The following PIGQ variants were observed in gnomAD, a reference collection of about 807,000 sequenced individuals.
PIGQ encodes the protein phosphatidylinositol N-acetylglucosaminyltransferase subunit Q.
A neutral mutation model predicts 60.3 loss-of-function variants in PIGQ; 54 were observed. The observed-to-expected ratio is 0.90, with a 90% CI of 0.72 to 1.12. PIGQ has a LOEUF of 1.12. Among genes scored for constraint, PIGQ ranks in the 50% most tolerant of loss-of-function variants. The pLI is 0.00. For synonymous variants in PIGQ, 416 were observed against 363.7 expected, an observed-to-expected ratio of 1.14 and a Z score of -1.64; for missense variants, 799 against 793.5, an observed-to-expected ratio of 1.01 and a Z score of -0.08.
intron 1 of PIGQ, among the ~76,000 whole-genome samples, chr16:572,287 C>T (rs575445179): frequency 5.9e-5 from 9 of 151,502 alleles, no homozygotes; most frequent in African/African-American, 1.7e-4. Context: ...ATCCACCCGC[C>T]GCCTGCCCTC....
intron 4 of PIGQ, among the ~76,000 whole-genome samples, chr16:577,666 G>A (rs889416161): frequency 3.9e-5 from 6 of 152,146 alleles, no homozygotes; most frequent in South Asian, 2.1e-4. Flanking sequence ...AGGGGCCTGC[G>A]CAATGGGCAA....
Position 574,752 on chromosome 16 carries a change from C to A in PIGQ, c.678C>A (p.Val226=). The A allele has an allele frequency of 6.4e-7, 1 of 1,569,882 alleles. No homozygotes were observed. Among genetic ancestry groups the A allele is most frequent in the South Asian group, 1.1e-5 (1 of 87,442 alleles). The change falls in exon 2 of 11, where the codon GTC becomes GTA. Residue 226 remains valine, a synonymous_variant. Coordinates refer to ENST00000321878, the MANE Select transcript of PIGQ (RefSeq NM_004204.5). Reference sequence around the variant, plus strand: ...GCCTGCTGTCGCTGGTCTCAGCTGTCAGTGCCTGCCGGTAGGTGTCCCGGG... The same window carrying A: ...GCCTGCTGTCGCTGGTCTCAGCTGTAAGTGCCTGCCGGTAGGTGTCCCGGG... ...LASLLSLVSA[V]SACRVFKLWP...
chr16:576,777 G>GGT (rs1185819687), intron 4 of PIGQ: 3 of 382,120 alleles, frequency 7.9e-6, no homozygotes, highest in African/African-American at 6.2e-5. Flanking sequence ...TTTCCAGCCG[G>GGT]GTGCAGCCCC....
At chr16:574,856 C>G in intron 2 of PIGQ, 93 bp downstream of exon 2, 1 of 1,031,732 alleles carries the variant, frequency 9.7e-7, no homozygotes. Context: ...GGCCCAGATG[C>G]GCTCTTCCTG....
chr16:583,278 C>G lies in PIGQ; in HGVS notation c.*243C>G, dbSNP rs753246882. On this transcript the variant is annotated 3_prime_UTR_variant, in exon 11 of 11. Transcript: ENST00000321878. ...GCACTGCCTGCCTTGGGACCCGCTT[C>G]CCACCTGCTGCGGTCACCATGGTGG... 1 of 1,612,914 alleles carries G rather than the reference C, an allele frequency of 6.2e-7. No homozygotes were observed. The highest frequency in any genetic ancestry group is 1.1e-5 in the South Asian group (1 of 91,086).
Position 582,190 on chromosome 16 carries a change from C to T in PIGQ, c.1532-58C>T, listed in dbSNP as rs759702745. The stretch of plus-strand genomic sequence containing the variant: ...GAGAGGAAGGTACCTGCAGCCTCTG[C>T]TCATGTGTGGGGCCAGCCCCCACGC... On this transcript the variant is annotated intron_variant, in intron 9 of 10. Transcript: ENST00000321878. 2.1e-5 allele frequency: 26 copies of T among 1,260,140 alleles called. No homozygotes were observed. The South Asian group carries it at 3.2e-4, about 16-fold the overall frequency. 78.1% of individuals were successfully genotyped at this position (1,260,140 alleles called of 1,614,324 possible). A position where few individuals can be genotyped will look rare whatever the true frequency, so the allele number is the denominator to read the frequency against.
rs1596388974 is a variant in PIGQ at position 583,443 on chromosome 16, G to T, written c.*408G>T. The T allele has an allele frequency of 6.2e-7, 1 of 1,612,756 alleles. No individual in the cohort carries two copies. Among genetic ancestry groups the T allele is most frequent in the Non-Finnish European group, 8.5e-7 (1 of 1,179,944 alleles). Reference sequence around the variant, plus strand: ...GCTCCCCAGTGGCTCTGCCCTGGCTGTGGGGGTGGAGGGACCTTGCCAGGA... The same window carrying T: ...GCTCCCCAGTGGCTCTGCCCTGGCTTTGGGGGTGGAGGGACCTTGCCAGGA... On this transcript the variant is annotated 3_prime_UTR_variant, in exon 11 of 11. Transcript: ENST00000321878.
Position 583,105 on chromosome 16 carries a change from A to C in PIGQ, c.*70A>C, listed in dbSNP as rs2151050349. On this transcript the variant is annotated 3_prime_UTR_variant, in exon 11 of 11. Transcript: ENST00000321878. ...CCATCTGCTCTGCCAGGGTGGCACC[A>C]GCTCAGCTGGCGCATGTCCTGTGCT... is the stretch of plus-strand genomic sequence containing the variant. 6.2e-7 allele frequency: 1 copy of C among 1,613,092 alleles called. No individual in the cohort carries two copies. The highest frequency in any genetic ancestry group is 8.5e-7 in the Non-Finnish European group (1 of 1,179,952).
In PIGQ at chr16:582,246, A is replaced by AGTT; in HGVS notation, c.1532-1_1532insTTG. 1 of 1,601,012 alleles carries AGTT rather than the reference A, an allele frequency of 6.2e-7. No individual in the cohort carries two copies. Among genetic ancestry groups the AGTT allele is most frequent in the Non-Finnish European group, 8.5e-7 (1 of 1,172,604 alleles). On this transcript the variant is annotated splice_acceptor_variant, in intron 9 of 10. Coordinates refer to ENST00000321878, the MANE Select transcript of PIGQ (RefSeq NM_004204.5). LOFTEE classifies it high-confidence loss of function. ...CTCGTCAGCCGCTTGCTATCCTTGC[A>AGTT]GCTGGCGTGAAGTTCCGTGTCCTCC... is the stretch of plus-strand genomic sequence containing the variant.
chr16:580,236 A>G lies in PIGQ; in HGVS notation c.1389A>G (p.Thr463=). The change falls in exon 8 of 11, where the codon ACA becomes ACG. Residue 463 remains threonine (T), a synonymous_variant. Transcript: ENST00000321878. ...TCCTGCTCTTCCTCCTGCCTACCAC[A>G]GCCCTGTACTACCTGGTGTTCACCC... ...FTILLFLLPT[T]ALYYLVFTLL... 6.2e-7 allele frequency: 1 copy of G among 1,612,510 alleles called. No individual in the cohort carries two copies. The highest frequency in any genetic ancestry group is 8.5e-7 in the Non-Finnish European group (1 of 1,179,166).
At position 583,916 on chromosome 16, in the gene PIGQ, G is replaced by C; in HGVS notation, c.*881G>C. On this transcript the variant is annotated 3_prime_UTR_variant, in exon 11 of 11. Coordinates refer to ENST00000321878, the MANE Select transcript of PIGQ (RefSeq NM_004204.5). ...CTGCCAGACGGCACGGTCTGGGTGC[G>C]GGTGTTCCCTGTGAGCCCGAGTCCG... The C allele has an allele frequency of 2.0e-6, 1 of 504,382 alleles. No homozygotes were observed. Among genetic ancestry groups the C allele is most frequent in the East Asian group, 3.6e-5 (1 of 27,642 alleles). 31.2% of individuals were successfully genotyped at this position (504,382 alleles called of 1,614,324 possible). A position where few individuals can be genotyped will look rare whatever the true frequency, so the allele number is the denominator to read the frequency against.
chr16:573,880 G>C (rs1332388439), intron 1 of PIGQ, among the ~76,000 whole-genome samples, 186 bp from the exon 2 acceptor site: 21 of 152,186 alleles, frequency 1.4e-4, no homozygotes, highest in Non-Finnish European at 5.9e-5. Context: ...CTGCCCCTTG[G>C]AGAAGCATGG....
chr16:580,262 T>C lies in PIGQ; in HGVS notation c.1415T>C (p.Leu472Pro). 1 of 1,604,148 alleles carries C rather than the reference T, an allele frequency of 6.2e-7. No homozygotes were observed. Among genetic ancestry groups the C allele is most frequent in the Non-Finnish European group, 8.5e-7 (1 of 1,172,634 alleles). The change falls in exon 8 of 11, where the codon CTG (leucine) becomes CCG (proline). Residue 472 changes from leucine (L) to proline (P), a missense_variant and splice_region_variant. Leu to Pro is a moderately conservative substitution (Grantham distance 98). Coordinates refer to ENST00000321878, the MANE Select transcript of PIGQ (RefSeq NM_004204.5). ...TTALYYLVFT[L>P]LRLLVVAVQG... Reference sequence around the variant, plus strand: ...GCCCTGTACTACCTGGTGTTCACCCTGGTGAGCTGAGCACCCACAGGCTGG... The same window carrying C: ...GCCCTGTACTACCTGGTGTTCACCCCGGTGAGCTGAGCACCCACAGGCTGG...
intron 4 of PIGQ, chr16:576,515 G>T (rs983922829): frequency 1.1e-5 from 6 of 567,114 alleles, no homozygotes; most frequent in Non-Finnish European, 1.9e-5. Flanking sequence ...GCTCTGGGGA[G>T]CCCGCCTCTC....
Position 576,540 on chromosome 16 carries a change from G to C in PIGQ, c.942+286G>C, listed in dbSNP as rs986909572. The C allele has an allele frequency of 5.3e-6, 3 of 562,166 alleles. No individual in the cohort carries two copies. The African/African-American group carries it at 5.6e-5, about 11-fold the overall frequency. 34.8% of individuals were successfully genotyped at this position (562,166 alleles called of 1,614,324 possible). A position where few individuals can be genotyped will look rare whatever the true frequency, so the allele number is the denominator to read the frequency against. On this transcript the variant is annotated intron_variant, in intron 4 of 10. Transcript: ENST00000321878. Reference sequence around the variant, plus strand: ...GCCCGCCTCTCCCTGTGGGCCCAGCGTCCTGGTATCTCCCTTGTGGTCCCT... The same window carrying C: ...GCCCGCCTCTCCCTGTGGGCCCAGCCTCCTGGTATCTCCCTTGTGGTCCCT...
chr16:581,767 T>C (rs550090755), intron 9 of PIGQ: 2 of 136,778 alleles, frequency 1.5e-5, no homozygotes, highest in African/African-American at 5.7e-5. Flanking sequence ...CGGCTTTTTT[T>C]TTTTTTTTTT....
rs529904922 is a variant in PIGQ at position 574,382 on chromosome 16, C to T, written c.308C>T (p.Thr103Met). 27 of 1,610,460 alleles carry T rather than the reference C, an allele frequency of 1.7e-5. No homozygotes were observed. Among genetic ancestry groups the T allele is most frequent in the Middle Eastern group, 1.7e-4 (1 of 6,048 alleles). ...WLRLCRERGGTFWSCEATHRQ... is the reference protein window; with the variant it reads ...WLRLCRERGGMFWSCEATHRQ... ...CGGCTGTGCCGGGAGAGAGGCGGCA[C>T]GTTCTGGAGCTGCGAGGCCACCCAC... The change falls in exon 2 of 11, where the codon ACG becomes ATG. Residue 103 changes from threonine to methionine, a missense_variant. Thr to Met is a moderately conservative substitution (Grantham distance 81). Coordinates refer to ENST00000321878, the MANE Select transcript of PIGQ (RefSeq NM_004204.5).
chr16:574,446 C>T lies in PIGQ; in HGVS notation c.372C>T (p.Asp124=), dbSNP rs774126683. ...CTGCCCCCGGTGCCCCTGGTGAGGA[C>T]CAGGTCATGCTCATCTTCTATGACC... ...APTAPGAPGE[D]QVMLIFYDQR... The change falls in exon 2 of 11, where the codon GAC becomes GAT. Residue 124 remains aspartate, a synonymous_variant. Coordinates refer to ENST00000321878, the MANE Select transcript of PIGQ (RefSeq NM_004204.5). The T allele has an allele frequency of 3.7e-6, 6 of 1,610,816 alleles. No individual in the cohort carries two copies. The East Asian group carries it at 1.1e-4, about 30-fold the overall frequency.
intron 1 of PIGQ, among the ~76,000 whole-genome samples, chr16:571,195 G>A (rs1296026973): frequency 6.8e-5 from 4 of 58,808 alleles, no homozygotes; most frequent in Admixed American, 1.7e-4. Flanking sequence ...GTGTGTGTGT[G>A]TGTGTCTGGC....
Sources: allele counts gnomAD v4.1 joint callset (sites outside exome capture counted in the v4.1 genomes callset), GRCh38; gene constraint gnomAD v4.1.1; transcripts MANE v1.5; gene names NCBI Gene and HGNC (gene_info 2026-07-23, HGNC 2026-07-21).